The following MTDH variants were observed in gnomAD, a reference collection of about 807,000 sequenced individuals.
MTDH encodes the protein protein LYRIC.
A neutral mutation model predicts 72.7 loss-of-function variants in MTDH; 34 were observed. That is an observed-to-expected ratio of 0.47 (90% CI 0.36 to 0.62). The LOEUF (loss-of-function observed/expected upper bound fraction) is 0.62. Ranked by LOEUF, MTDH falls within the 20% of genes least tolerant of loss-of-function variation. MTDH has a pLI of 0.00. For missense variants in MTDH, 677 were observed against 699.4 expected (o/e 0.97, Z 0.36); for synonymous variants, 266 against 268.9 (o/e 0.99, Z 0.10).
intron 7 of MTDH, among the ~76,000 whole-genome samples, chr8:97,701,927 T>C (rs1165701364): frequency 6.6e-6 from 1 of 152,252 alleles, no homozygotes; most frequent in Non-Finnish European, 1.5e-5. Context: ...AAGTTTGTTA[T>C]GCTGTATTGG....
chr8:97,680,411 C>G (rs1297109926), intron 2 of MTDH, among the ~76,000 whole-genome samples: 1 of 152,122 alleles, frequency 6.6e-6, no homozygotes, highest in Non-Finnish European at 1.5e-5. Context: ...ATTTGCTGTT[C>G]CACGTGCAAA....
chr8:97,711,131 A>G (rs1814614168), intron 8 of MTDH, among the ~76,000 whole-genome samples: 1 of 152,226 alleles, frequency 6.6e-6, no homozygotes. Flanking sequence ...TTTCAATGAC[A>G]TGACCTCTCA....
intron 2 of MTDH, among the ~76,000 whole-genome samples, chr8:97,678,373 A>G (rs576752708): frequency 6.6e-6 from 1 of 152,310 alleles, no homozygotes; most frequent in Non-Finnish European, 1.5e-5. Context: ...TATGATGACA[A>G]AAGAGATTAA....
At chr8:97,679,490 G>A (rs2438223) in intron 2 of MTDH, among the ~76,000 whole-genome samples, 72,059 of 151,982 alleles carry the variant, frequency 0.47, 20,020 homozygotes, top group African/African-American at 0.76. Context: ...GGAGAATTAG[G>A]TTGAAAAATT....
At chr8:97,713,540 TTTTA>T in intron 8 of MTDH, 118 bp from the exon 9 acceptor site, 4 of 568,858 alleles carry the variant, frequency 7.0e-6, no homozygotes, top group Non-Finnish European at 1.2e-5. Context: ...TATTACTAGT[TTTTA>T]TTTAGATTTT....
At chr8:97,700,763 G>A (rs1221028107) in intron 7 of MTDH, among the ~76,000 whole-genome samples, 3 of 152,192 alleles carry the variant, frequency 2.0e-5, no homozygotes, top group Non-Finnish European at 4.4e-5. Context: ...GCTTTTCCCA[G>A]GCCACACAGT....
chr8:97,644,282 C>G lies in MTDH; in HGVS notation c.-225C>G. Reference sequence around the variant, plus strand: ...ACTGGAGACACTCCCTCCCGCCTCCCGGGTCTCCTGGCGGCGGCGGAGTGA... The same window carrying G: ...ACTGGAGACACTCCCTCCCGCCTCCGGGGTCTCCTGGCGGCGGCGGAGTGA... On this transcript the variant is annotated 5_prime_UTR_variant, in exon 1 of 12. Coordinates refer to ENST00000336273, the MANE Select transcript of MTDH (RefSeq NM_178812.4). 1.8e-6 allele frequency: 1 copy of G among 562,104 alleles called. No homozygotes were observed. The highest frequency in any genetic ancestry group is 3.0e-6 in the Non-Finnish European group (1 of 334,890). The allele number at this position is 562,104 out of a possible 1,614,324, so 34.8% of individuals were successfully genotyped here.
intron 1 of MTDH, among the ~76,000 whole-genome samples, chr8:97,653,129 A>G (rs1195519115): frequency 6.6e-6 from 1 of 152,176 alleles, no homozygotes; most frequent in South Asian, 2.1e-4. Context: ...AAAAAAGAAA[A>G]AAAAAAAAAG....
At chr8:97,692,087 G>T (rs1813631940) in intron 6 of MTDH, among the ~76,000 whole-genome samples, 1 of 152,190 alleles carries the variant, frequency 6.6e-6, no homozygotes, top group African/African-American at 2.4e-5. Context: ...TGCCATGTTG[G>T]CGAGGCTGAT....
At chr8:97,658,750 A>G (rs72671505) in intron 1 of MTDH, among the ~76,000 whole-genome samples, 3,727 of 152,292 alleles carry the variant, frequency 0.024, 74 homozygotes, top group South Asian at 0.047. Context: ...TTCAGTTGGT[A>G]TAAGTCTTAC....
At position 97,644,897 on chromosome 8, in the gene MTDH, G is replaced by C. The variant is rs778437052; in HGVS notation, c.381+10G>C. 3 of 1,533,996 alleles carry C rather than the reference G, an allele frequency of 2.0e-6. No individual in the cohort carries two copies. Among genetic ancestry groups the C allele is most frequent in the Non-Finnish European group, 2.6e-6 (3 of 1,153,142 alleles). On this transcript the variant is annotated intron_variant, in intron 1 of 11. Coordinates refer to ENST00000336273, the MANE Select transcript of MTDH (RefSeq NM_178812.4). ...GTCCGAGAAGCCCAAAGTGAGTATG[G>C]GATGAGCGGCAGTAGAGAACGGGCG...
At chr8:97,674,082 A>G (rs1260486846) in intron 2 of MTDH, among the ~76,000 whole-genome samples, 3 of 152,176 alleles carry the variant, frequency 2.0e-5, no homozygotes, top group East Asian at 3.9e-4. Context: ...CTTGAGCCCC[A>G]GAGTTTGGGA....
chr8:97,644,714 G>C lies in MTDH; in HGVS notation c.208G>C (p.Gly70Arg), dbSNP rs993528183. Residue 70 changes from glycine to arginine, a missense_variant, in exon 1 of 12, where the codon GGC becomes CGC. Physicochemically the swap from Gly to Arg is moderately radical, Grantham distance 125. Transcript: ENST00000336273. ...GCTGCTGCTGTTTCTGCTGGGCTAC[G>C]GCTGGGCCGCGGCTTGCGCCGGCGC... is the stretch of plus-strand genomic sequence containing the variant. ...GLLLLFLLGY[G>R]WAAACAGARK... 1.0e-5 allele frequency: 16 copies of C among 1,591,684 alleles called. No individual in the cohort carries two copies. The highest frequency in any genetic ancestry group is 1.2e-5 in the Non-Finnish European group (14 of 1,172,924).
At chr8:97,663,296 A>G (rs1007086241) in intron 2 of MTDH, among the ~76,000 whole-genome samples, 6 of 152,158 alleles carry the variant, frequency 3.9e-5, no homozygotes, top group Non-Finnish European at 8.8e-5. Flanking sequence ...ATTACTTTGA[A>G]ATGTCTTGTG....
At chr8:97,720,813 C>T (rs1026065856) in intron 10 of MTDH, among the ~76,000 whole-genome samples, 7 of 151,792 alleles carry the variant, frequency 4.6e-5, no homozygotes, top group African/African-American at 1.7e-4. Context: ...GCCACCACCC[C>T]TGGCTAATTT....
chr8:97,673,323 C>T (rs1001171542), intron 2 of MTDH, among the ~76,000 whole-genome samples: 20 of 151,712 alleles, frequency 1.3e-4, no homozygotes, highest in African/African-American at 4.6e-4. Context: ...GAGTTCAAGA[C>T]GAGCCTGGGC....
At chr8:97,714,233 A>G (rs1021929370) in intron 9 of MTDH, among the ~76,000 whole-genome samples, 2 of 152,132 alleles carry the variant, frequency 1.3e-5, no homozygotes, top group Non-Finnish European at 2.9e-5. Context: ...TTCTCTTTCC[A>G]TCACTCATAC....
intron 6 of MTDH, among the ~76,000 whole-genome samples, chr8:97,696,739 A>G (rs905726189): frequency 4.2e-4 from 64 of 152,202 alleles, no homozygotes; most frequent in African/African-American, 1.4e-3. Context: ...ATGATTACTA[A>G]TAAACTACTG....
intron 7 of MTDH, among the ~76,000 whole-genome samples, chr8:97,703,357 T>TA (rs1430048050): frequency 6.6e-6 from 1 of 152,256 alleles, no homozygotes; most frequent in Middle Eastern, 3.4e-3. Context: ...GACCCTGTCA[T>TA]AAAAAATACT....
Sources: gnomAD v4.1 joint callset for allele counts (sites outside exome capture counted in the v4.1 genomes callset) on GRCh38, gnomAD v4.1.1 for gene constraint, MANE v1.5 for transcripts, NCBI Gene and HGNC (gene_info 2026-07-23, HGNC 2026-07-21) for gene names.